The following GRID1 variants were observed in gnomAD, a reference collection of about 807,000 sequenced individuals.
GRID1 encodes the protein glutamate ionotropic receptor delta type subunit 1.
A neutral mutation model predicts 98.0 loss-of-function variants in GRID1; 28 were observed. That is an observed-to-expected ratio of 0.29 (90% confidence interval 0.21 to 0.39). The LOEUF is 0.39. GRID1 is among the 10% of genes least tolerant of loss of function. The probability of loss-of-function intolerance (pLI) is 1.00; values close to 1 mark genes in which losing one functional copy is unlikely to be tolerated. For synonymous variants in GRID1, 553 were observed against 538.5 expected (o/e 1.03, Z -0.37); for missense variants, 1,111 against 1,340.5 (o/e 0.83, Z 2.67).
chr10:85,889,788 A>C (rs1047923242), intron 5 of GRID1, among the ~76,000 whole-genome samples: 4 of 152,200 alleles, frequency 2.6e-5, no homozygotes, highest in African/African-American at 9.7e-5. Context: ...ACTAATTTAC[A>C]TTCTCACCAA....
intron 8 of GRID1, among the ~76,000 whole-genome samples, chr10:85,828,530 G>A (rs1842839897): frequency 6.6e-6 from 1 of 151,772 alleles, no homozygotes; most frequent in South Asian, 2.1e-4. Flanking sequence ...GAATAAATAA[G>A]ATTGATAGAT....
intron 8 of GRID1, among the ~76,000 whole-genome samples, chr10:85,732,387 T>C (rs540271463): frequency 2.6e-5 from 4 of 152,336 alleles, no homozygotes; most frequent in African/African-American, 9.6e-5. Flanking sequence ...CAAACCTTCC[T>C]GGTACGGTGA....
intron 9 of GRID1, 35 bp from the exon 10 acceptor site, chr10:85,728,087 T>C: frequency 7.3e-7 from 1 of 1,366,184 alleles, no homozygotes; most frequent in Non-Finnish European, 1.0e-6. Context: ...TCCAATTAAA[T>C]AACAGGTTCA....
At chr10:85,619,294 A>G (rs1373663874) in intron 14 of GRID1, among the ~76,000 whole-genome samples, 1 of 152,210 alleles carries the variant, frequency 6.6e-6, no homozygotes, top group Non-Finnish European at 1.5e-5. Context: ...TTGGACCAGG[A>G]AAGTTCTGCC....
At chr10:86,259,265 C>T (rs910455303) in intron 2 of GRID1, among the ~76,000 whole-genome samples, 1 of 152,178 alleles carries the variant, frequency 6.6e-6, no homozygotes, top group Non-Finnish European at 1.5e-5. Context: ...AACAGTTTAA[C>T]CCAAAAATGT....
At chr10:86,166,600 A>T (rs1227180624) in intron 3 of GRID1, among the ~76,000 whole-genome samples, 1 of 152,242 alleles carries the variant, frequency 6.6e-6, no homozygotes, top group East Asian at 1.9e-4. Flanking sequence ...AACTTGGCAC[A>T]GCTGGGAAGT....
At chr10:85,999,262 T>C (rs1842777391) in intron 4 of GRID1, among the ~76,000 whole-genome samples, 1 of 151,698 alleles carries the variant, frequency 6.6e-6, no homozygotes, top group Non-Finnish European at 1.5e-5. Context: ...CAACAAAATT[T>C]ACCCAAGATT....
At chr10:86,033,744 C>A (rs1012592093) in intron 4 of GRID1, among the ~76,000 whole-genome samples, 2 of 152,230 alleles carry the variant, frequency 1.3e-5, no homozygotes, top group Non-Finnish European at 2.9e-5. Flanking sequence ...CCCATCACAC[C>A]CACAGAACCA....
At chr10:85,691,108 A>G (rs1841326451) in intron 12 of GRID1, among the ~76,000 whole-genome samples, 4 of 152,236 alleles carry the variant, frequency 2.6e-5, no homozygotes. Flanking sequence ...TGAGATCCAT[A>G]AAGTGACCAT....
Position 85,872,280 on chromosome 10 carries a change from CT to C in GRID1, c.781-3101del, listed in dbSNP as rs543152812. Among the ~76,000 whole-genome samples, 214 of 152,224 alleles carry C rather than the reference CT, an allele frequency of 1.4e-3. 1 individual carries two copies. The highest frequency in any genetic ancestry group is 2.2e-3 in the Non-Finnish European group (150 of 68,000). On this transcript the variant is annotated intron_variant, in intron 5 of 15. Transcript: ENST00000327946. ...AGGACCTGGGGAGGTCATGAAGACC[CT>C]AATTTAAATTATGCACAAAAGAGAG...
intron 2 of GRID1, among the ~76,000 whole-genome samples, chr10:86,209,561 T>C (rs1846079388): frequency 1.3e-5 from 2 of 152,318 alleles, no homozygotes; most frequent in African/African-American, 2.4e-5. Context: ...AGCACACCCA[T>C]GAAAACAGCA....
At chr10:85,954,413 G>A (rs1271676436) in intron 4 of GRID1, among the ~76,000 whole-genome samples, 6 of 152,156 alleles carry the variant, frequency 3.9e-5, no homozygotes, top group Admixed American at 1.3e-4. Context: ...GTAACTGGCA[G>A]CAATAGGAAA....
intron 2 of GRID1, among the ~76,000 whole-genome samples, chr10:86,257,865 G>C: frequency 6.6e-6 from 1 of 152,192 alleles, no homozygotes; most frequent in East Asian, 1.9e-4. Flanking sequence ...GAACAGGGGA[G>C]CAATGCCAAG....
At chr10:85,696,451 G>C (rs1311022262) in intron 12 of GRID1, among the ~76,000 whole-genome samples, 2 of 152,046 alleles carry the variant, frequency 1.3e-5, no homozygotes, top group Non-Finnish European at 2.9e-5. Flanking sequence ...CTTACATGAA[G>C]AAGAGCAGAA....
intron 4 of GRID1, among the ~76,000 whole-genome samples, chr10:86,116,020 T>C (rs1351244989): frequency 1.3e-5 from 2 of 152,206 alleles, no homozygotes; most frequent in African/African-American, 2.4e-5. Context: ...ATAGGAGCGA[T>C]AGGCTGTACC....
At chr10:86,033,911 C>CTG (rs1196400309) in intron 4 of GRID1, among the ~76,000 whole-genome samples, 4 of 152,378 alleles carry the variant, frequency 2.6e-5, no homozygotes, top group Non-Finnish European at 1.5e-5. Context: ...GGGTGTCACC[C>CTG]TGTGTCACCT....
chr10:85,908,627 A>C (rs1306699327), intron 5 of GRID1, among the ~76,000 whole-genome samples: 1 of 152,218 alleles, frequency 6.6e-6, no homozygotes, highest in Non-Finnish European at 1.5e-5. Context: ...TGGAGTACAG[A>C]TTCACTGCAA....
intron 2 of GRID1, among the ~76,000 whole-genome samples, chr10:86,251,774 G>C (rs1306107761): frequency 1.3e-5 from 2 of 152,154 alleles, no homozygotes. Flanking sequence ...CAGATACCTA[G>C]CACCTGTATG....
chr10:86,105,563 G>T (rs1012879550), intron 4 of GRID1, among the ~76,000 whole-genome samples: 3 of 152,176 alleles, frequency 2.0e-5, no homozygotes, highest in Admixed American at 6.5e-5. Context: ...GCTCTTCAAT[G>T]AAAGCAGAGC....
Sources: allele counts gnomAD v4.1 joint callset (sites outside exome capture counted in the v4.1 genomes callset), GRCh38; gene constraint gnomAD v4.1.1; transcripts MANE v1.5; gene names NCBI Gene and HGNC (gene_info 2026-07-23, HGNC 2026-07-21).